ITFG1: variants seen among roughly 807,000 people sequenced by gnomAD.
ITFG1 encodes T-cell immunomodulatory protein.
ITFG1 carries 34 observed loss-of-function variants against 81.8 expected under a neutral mutation model. The observed-to-expected ratio is 0.42, with a 90% CI of 0.32 to 0.55. ITFG1 has a LOEUF of 0.55. ITFG1 is among the 20% of genes least tolerant of loss of function. ITFG1 has a pLI of 0.17. For synonymous variants in ITFG1, 285 were observed against 270.6 expected (o/e 1.05, Z -0.52); for missense variants, 672 against 755.4 (o/e 0.89, Z 1.29).
chr16:47,184,720 C>T (rs918349473), intron 14 of ITFG1, among the ~76,000 whole-genome samples: 1 of 151,990 alleles, frequency 6.6e-6, no homozygotes, highest in African/African-American at 2.4e-5. Context: ...ACTGCGTCAA[C>T]TAATGAGCAA....
chr16:47,340,424 A>T lies in ITFG1; in HGVS notation c.802+25364T>A, dbSNP rs185686771. Among the ~76,000 whole-genome samples the T allele has an allele frequency of 1.1e-4, 16 of 152,340 alleles. No homozygotes were observed. The East Asian group carries it at 2.9e-3, about 27-fold the overall frequency. ...AGGAATAAAAGAGCTATATAGTAGC[A>T]GAGTTTTTGTGTGGTATTACATTAA... On this transcript the variant is annotated intron_variant, in intron 8 of 17. Coordinates refer to ENST00000320640, the MANE Select transcript of ITFG1 (RefSeq NM_030790.5).
chr16:47,440,255 C>T (rs1969228238), intron 5 of ITFG1, among the ~76,000 whole-genome samples: 1 of 152,194 alleles, frequency 6.6e-6, no homozygotes. Flanking sequence ...TAACACCTCA[C>T]TGTAAACATT....
At chr16:47,252,742 C>T (rs1412431024) in intron 12 of ITFG1, among the ~76,000 whole-genome samples, 1 of 152,166 alleles carries the variant, frequency 6.6e-6, no homozygotes, top group Non-Finnish European at 1.5e-5. Context: ...AACTGAAAAA[C>T]AGTGGCATTT....
intron 6 of ITFG1, among the ~76,000 whole-genome samples, chr16:47,416,863 G>T (rs114131536): frequency 0.016 from 2,381 of 152,274 alleles, 56 homozygotes; most frequent in African/African-American, 0.055. Context: ...TTCTAGGAAT[G>T]AATATATTCT....
At chr16:47,282,462 T>C (rs13333003) in intron 10 of ITFG1, among the ~76,000 whole-genome samples, 18,836 of 152,034 alleles carry the variant, frequency 0.12, 2,410 homozygotes, top group African/African-American at 0.33. Flanking sequence ...TATATGTATA[T>C]GATATATATA....
intron 6 of ITFG1, among the ~76,000 whole-genome samples, chr16:47,423,441 T>C (rs768430420): frequency 1.3e-5 from 2 of 152,182 alleles, no homozygotes; most frequent in Non-Finnish European, 2.9e-5. Flanking sequence ...CATTTAAGAT[T>C]GATATTGTTA....
intron 14 of ITFG1, among the ~76,000 whole-genome samples, chr16:47,164,854 T>C (rs972582346): frequency 6.6e-6 from 1 of 152,252 alleles, no homozygotes; most frequent in Non-Finnish European, 1.5e-5. Context: ...AGCCGCTGGC[T>C]TTCCATGGCT....
intron 12 of ITFG1, among the ~76,000 whole-genome samples, chr16:47,247,926 T>A (rs1966021679): frequency 1.3e-5 from 2 of 152,086 alleles, no homozygotes; most frequent in South Asian, 4.1e-4. Flanking sequence ...CGAGGCTGGA[T>A]CATGGATGAT....
chr16:47,300,886 A>G (rs1050894568), intron 10 of ITFG1, among the ~76,000 whole-genome samples: 21 of 152,208 alleles, frequency 1.4e-4, no homozygotes, highest in African/African-American at 4.6e-4. Context: ...AGATTATGCA[A>G]TGAACTGGAT....
chr16:47,159,690 C>T (rs1964770279), intron 16 of ITFG1, among the ~76,000 whole-genome samples: 2 of 152,112 alleles, frequency 1.3e-5, no homozygotes. Flanking sequence ...AAACTAAGGA[C>T]TGTATCACCA....
intron 5 of ITFG1, among the ~76,000 whole-genome samples, chr16:47,434,147 A>G (rs1246817595): frequency 6.6e-6 from 1 of 151,708 alleles, no homozygotes; most frequent in Non-Finnish European, 1.5e-5. Flanking sequence ...ACACAGGCAT[A>G]GGCAAATATT....
intron 14 of ITFG1, among the ~76,000 whole-genome samples, chr16:47,208,940 A>G (rs867826646): frequency 2.0e-5 from 3 of 152,322 alleles, no homozygotes; most frequent in African/African-American, 7.2e-5. Context: ...GAGACAAGAG[A>G]GATTTAAAAA....
chr16:47,453,526 A>G (rs1969414751), intron 3 of ITFG1, among the ~76,000 whole-genome samples: 1 of 152,246 alleles, frequency 6.6e-6, no homozygotes, highest in Non-Finnish European at 1.5e-5. Context: ...TGAATGAGGT[A>G]AAGGCTGTTT....
At chr16:47,260,218 T>C (rs1966192757) in intron 11 of ITFG1, among the ~76,000 whole-genome samples, 1 of 152,036 alleles carries the variant, frequency 6.6e-6, no homozygotes, top group Non-Finnish European at 1.5e-5. Context: ...ATTACAGGTG[T>C]GAGCCACCGC....
At chr16:47,214,930 A>G (rs865946205) in intron 14 of ITFG1, among the ~76,000 whole-genome samples, 16 of 143,564 alleles carry the variant, frequency 1.1e-4, no homozygotes, top group African/African-American at 3.9e-4. Context: ...AAACACACAC[A>G]CACACACACA....
intron 14 of ITFG1, among the ~76,000 whole-genome samples, chr16:47,212,179 T>G (rs1055151901): frequency 6.6e-6 from 1 of 152,192 alleles, no homozygotes; most frequent in African/African-American, 2.4e-5. Context: ...TTTTCCTTTT[T>G]TTTTCTAAAG....
chr16:47,425,605 T>C (rs74689394), intron 6 of ITFG1, among the ~76,000 whole-genome samples: 2 of 151,508 alleles, frequency 1.3e-5, no homozygotes, highest in Admixed American at 6.6e-5. Context: ...TTTTTTTTTT[T>C]TTCCAGACAA....
chr16:47,266,086 C>A (rs1477937193), intron 10 of ITFG1, among the ~76,000 whole-genome samples: 1 of 151,886 alleles, frequency 6.6e-6, no homozygotes, highest in African/African-American at 2.4e-5. Context: ...AAAATATATA[C>A]GAAAATATAT....
intron 10 of ITFG1, among the ~76,000 whole-genome samples, chr16:47,295,916 G>A (rs1966974227): frequency 6.6e-6 from 1 of 151,876 alleles, no homozygotes; most frequent in Non-Finnish European, 1.5e-5. Flanking sequence ...TTTGTTTTGG[G>A]AGGCAGGGCC....
Sources: allele counts gnomAD v4.1 joint callset (sites outside exome capture counted in the v4.1 genomes callset), GRCh38; gene constraint gnomAD v4.1.1; transcripts MANE v1.5; gene names NCBI Gene and HGNC (gene_info 2026-07-23, HGNC 2026-07-21).